TP73: variants seen among roughly 807,000 people sequenced by gnomAD.
The protein encoded by TP73 is tumor protein p73, also known as p53-like transcription factor.
Under a neutral mutation model 62.5 loss-of-function variants are expected in TP73, and 25 were observed. That is an observed-to-expected ratio of 0.40 (90% CI 0.29 to 0.56). The LOEUF is 0.56. Ranked by LOEUF, TP73 falls within the 20% of genes least tolerant of loss-of-function variation. TP73 has a pLI of 0.46. For synonymous variants in TP73, 423 were observed against 377.5 expected (o/e 1.12, Z -1.40); for missense variants, 754 against 913.3 (o/e 0.83, Z 2.25).
At chr1:3,726,014 T>G (rs1322688995) in intron 6 of TP73, among the ~76,000 whole-genome samples, 11 of 24,642 alleles carry the variant, frequency 4.5e-4, no homozygotes, top group East Asian at 1.4e-3. Context: ...ATGGATGGGG[T>G]GGGTGTGGGG....
chr1:3,731,615 A>C (rs1209976246), intron 13 of TP73, 59 bp downstream of exon 13: 5 of 1,477,210 alleles, frequency 3.4e-6, no homozygotes, highest in Non-Finnish European at 3.8e-6. Context: ...CCCTGTCCGG[A>C]GGGCAAAGAG....
intron 4 of TP73, among the ~76,000 whole-genome samples, chr1:3,717,066 A>G (rs1024221977): frequency 1.3e-5 from 2 of 152,218 alleles, no homozygotes; most frequent in African/African-American, 4.8e-5. Context: ...CAACAGATTC[A>G]CCCACGCTGG....
Position 3,690,837 on chromosome 1 carries a change from C to T in TP73, c.186+7657C>T, listed in dbSNP as rs150987246. 2.1e-4 allele frequency: 324 copies of T among 1,547,634 alleles called. 1 individual carries two copies. In the African/African-American group the frequency reaches 3.4e-3, roughly 16 times the overall value. ...ACGACCGTGACCCTTCCCCTCGGGCCGCCCAGATCCATGCCTCGTCCCACG... is the reference window on the plus strand; with the variant it reads ...ACGACCGTGACCCTTCCCCTCGGGCTGCCCAGATCCATGCCTCGTCCCACG... On this transcript the variant is annotated intron_variant, in intron 3 of 13. Transcript: ENST00000378295.
rs148587184 is a variant in TP73 at position 3,709,766 on chromosome 1, G to C, written c.429+1975G>C. Among the ~76,000 whole-genome samples the C allele has an allele frequency of 3.5e-4, 54 of 152,308 alleles. 1 individual carries two copies. In the East Asian group the frequency reaches 9.8e-3, roughly 28 times the overall value. ...TGCCCTGGGGTTTATGATGCTGGTG[G>C]TTTCTGGAGAGTGTCTCCCTGGAGT... On this transcript the variant is annotated intron_variant, in intron 4 of 13. Coordinates refer to ENST00000378295, the MANE Select transcript of TP73 (RefSeq NM_005427.4).
intron 3 of TP73, chr1:3,698,185 T>C (rs1405128183): frequency 2.1e-6 from 2 of 943,684 alleles, no homozygotes; most frequent in African/African-American, 1.8e-5. Flanking sequence ...GGCAGGGGCA[T>C]GTGTGCAAGG....
intron 1 of TP73, among the ~76,000 whole-genome samples, chr1:3,671,189 C>T (rs963175276): frequency 2.6e-5 from 4 of 152,206 alleles, no homozygotes; most frequent in African/African-American, 9.7e-5. Context: ...CTGGAACTGC[C>T]TCAGGGATGG....
chr1:3,692,558 G>A (rs1440638529), intron 3 of TP73, among the ~76,000 whole-genome samples: 2 of 152,172 alleles, frequency 1.3e-5, no homozygotes, highest in Non-Finnish European at 2.9e-5. Flanking sequence ...GCAGGCCTGG[G>A]GCTCCTGGGG....
rs1332837977 is a variant in TP73, at chr1:3,699,474, G to A, written c.187-8075G>A. Among the ~76,000 whole-genome samples the A allele has an allele frequency of 3.3e-5, 5 of 152,330 alleles. No homozygotes were observed. The highest frequency in any genetic ancestry group is 4.4e-5 in the Non-Finnish European group (3 of 68,032). On this transcript the variant is annotated intron_variant, in intron 3 of 13. Transcript: ENST00000378295. The surrounding 1 kb of genome is among the most constrained non-coding windows in gnomAD (Gnocchi z 4.1). ...CAGCTCAGAGCCCCTGTCCAGGCTG[G>A]AGGGAGAAGGCCAGGAGGCCAGAGG...
At chr1:3,679,236 G>A (rs1333558697) in intron 1 of TP73, among the ~76,000 whole-genome samples, 1 of 152,178 alleles carries the variant, frequency 6.6e-6, no homozygotes, top group Non-Finnish European at 1.5e-5. Flanking sequence ...ATGCCGACTT[G>A]AAAATACAGC....
intron 1 of TP73, among the ~76,000 whole-genome samples, chr1:3,671,077 T>C (rs1282433267): frequency 6.6e-6 from 1 of 152,180 alleles, no homozygotes; most frequent in Non-Finnish European, 1.5e-5. Context: ...GTGGGTGCCA[T>C]GCTGGTCAGA....
rs146632180 is a variant in TP73, at chr1:3,728,183, G to A, written c.1040G>A (p.Arg347Gln). Residue 347 changes from arginine to glutamine, a missense_variant, in exon 9 of 14, where the codon CGG becomes CAG. Arg to Gln is a conservative substitution (Grantham distance 43). Transcript: ENST00000378295. Reference protein sequence around the residue: ...VPALGAGVKKRRHGDEDTYYL... With the variant: ...VPALGAGVKKQRHGDEDTYYL... ...GCCCTTGGTGCCGGTGTGAAGAAGCGGCGGCATGGAGACGAGGACACGTAC... is the reference window on the plus strand; with the variant it reads ...GCCCTTGGTGCCGGTGTGAAGAAGCAGCGGCATGGAGACGAGGACACGTAC... 14 of 1,611,916 alleles carry A rather than the reference G, an allele frequency of 8.7e-6. No individual in the cohort carries two copies. Among genetic ancestry groups the A allele is most frequent in the African/African-American group, 4.0e-5 (3 of 74,932 alleles).
chr1:3,691,075 A>C (rs1324365085), intron 3 of TP73: 2 of 1,354,482 alleles, frequency 1.5e-6, no homozygotes, highest in African/African-American at 1.4e-5. Context: ...TGGGGTGAGC[A>C]GAGGTAGGAA....
At position 3,662,953 on chromosome 1, in the gene TP73, T is replaced by C. The variant is rs1418213171; in HGVS notation, c.-34+10312T>C. On this transcript the variant is annotated intron_variant, in intron 1 of 13. Transcript: ENST00000378295. The surrounding 1 kb of genome is among the most constrained non-coding windows in gnomAD (Gnocchi z 4.4). ...TTTTATAAGAGAAACTTGTCTCTGG[T>C]CCCATGTGTTGCCCTTTGGGCACTG... Among the ~76,000 whole-genome samples the C allele has an allele frequency of 6.6e-6, 1 of 152,228 alleles. No homozygotes were observed. Among genetic ancestry groups the C allele is most frequent in the East Asian group, 1.9e-4 (1 of 5,200 alleles).
chr1:3,691,555 G>A (rs1645831540), intron 3 of TP73, among the ~76,000 whole-genome samples: 1 of 152,128 alleles, frequency 6.6e-6, no homozygotes, highest in South Asian at 2.1e-4. Context: ...CTGCTGGCTT[G>A]GAAGAGGGGA....
chr1:3,721,505 AATGCATAGTGG>A (rs1641071423), intron 4 of TP73, among the ~76,000 whole-genome samples: 1 of 152,242 alleles, frequency 6.6e-6, no homozygotes, highest in Non-Finnish European at 1.5e-5. Flanking sequence ...TGGAAGCTTG[AATGCATAGTGG>A]GCAACCAGCC....
In TP73 at chr1:3,654,294, G is replaced by T. The variant is rs529875403; in HGVS notation, c.-34+1653G>T. On this transcript the variant is annotated intron_variant, in intron 1 of 13. Transcript: ENST00000378295. The stretch of plus-strand genomic sequence containing the variant: ...GCGGACCTGAGCGGGGCTTGTCTAT[G>T]CGCGGCGGCCACCAGAGAATGGCTC... Among the ~76,000 whole-genome samples the T allele has an allele frequency of 2.3e-4, 35 of 152,318 alleles. No individual in the cohort carries two copies. In the East Asian group the frequency reaches 6.6e-3, roughly 29 times the overall value.
intron 3 of TP73, chr1:3,690,965 A>G (rs775046276): frequency 5.8e-5 from 91 of 1,572,820 alleles, no homozygotes; most frequent in Non-Finnish European, 7.1e-5. Flanking sequence ...CGCGCCATTC[A>G]TAGGATCTCT....
intron 6 of TP73, among the ~76,000 whole-genome samples, chr1:3,726,901 C>CGATGGATGGGTGGATG (rs149311741): frequency 1.4e-4 from 20 of 147,580 alleles, no homozygotes; most frequent in East Asian, 2.1e-4. Flanking sequence ...TAAATGGGTT[C>CGATGGATGGGTGGATG]GATGGATGGA....
At chr1:3,693,659 G>A (rs944199062) in intron 3 of TP73, among the ~76,000 whole-genome samples, 97 of 152,140 alleles carry the variant, frequency 6.4e-4, no homozygotes, top group African/African-American at 2.0e-3. Flanking sequence ...GGCCTGGCCT[G>A]GAGAGCTGCC....
Sources: gnomAD v4.1 joint callset for allele counts (sites outside exome capture counted in the v4.1 genomes callset) on GRCh38, gnomAD v4.1.1 for gene constraint, Gnocchi (gnomAD v3.1) non-coding constraint, MANE v1.5 for transcripts, NCBI Gene and HGNC (gene_info 2026-07-23, HGNC 2026-07-21) for gene names.